The following THBS1 variants were observed in gnomAD, a reference collection of about 807,000 sequenced individuals.
THBS1 encodes the protein thrombospondin 1.
Under a neutral mutation model 126.1 loss-of-function variants are expected in THBS1, and 29 were observed. That is an observed-to-expected ratio of 0.23 (90% CI 0.17 to 0.31). THBS1 has a LOEUF of 0.31. THBS1 is among the 10% of genes least tolerant of loss of function. The pLI is 1.00. For synonymous variants in THBS1, 496 were observed against 577.8 expected (o/e 0.86, Z 2.03); for missense variants, 1,198 against 1,545.2 (o/e 0.78, Z 3.77).
chr15:39,590,455 G>A (rs374001633), intron 13 of THBS1, 61 bp from the exon 14 acceptor site: 21 of 1,307,338 alleles, frequency 1.6e-5, no homozygotes, highest in South Asian at 3.9e-5. Context: ...ACACTCCCTC[G>A]TGCATGAGCT....
Position 39,589,913 on chromosome 15 carries a change from A to G in THBS1, c.2035A>G (p.Lys679Glu). 1 of 1,614,214 alleles carries G rather than the reference A, an allele frequency of 6.2e-7. No homozygotes were observed. The highest frequency in any genetic ancestry group is 8.5e-7 in the Non-Finnish European group (1 of 1,180,034). Residue 679 changes from lysine to glutamate, a missense_variant, in exon 13 of 22, where the codon AAG becomes GAG. Lys to Glu is a moderately conservative substitution (Grantham distance 56). This residue lies in a region of THBS1 where 663 missense variants were observed against 860.1 expected (regional missense o/e 0.77). Transcript: ENST00000260356. The surrounding 1 kb of genome is among the most constrained non-coding windows in gnomAD (Gnocchi z 4.7). Reference sequence around the variant, plus strand: ...CGACCCCATGTACCGCTGCGAGTGCAAGCCTGGCTACGCTGGCAATGGCAT... The same window carrying G: ...CGACCCCATGTACCGCTGCGAGTGCGAGCCTGGCTACGCTGGCAATGGCAT... Reference protein sequence around the residue: ...YSDPMYRCECKPGYAGNGIIC... With the variant: ...YSDPMYRCECEPGYAGNGIIC...
At chr15:39,591,136 C>T (rs143170723) in intron 14 of THBS1, 55 bp from the exon 15 acceptor site, 30 of 1,584,122 alleles carry the variant, frequency 1.9e-5, no homozygotes, top group Middle Eastern at 1.7e-4. Flanking sequence ...TGGTTTGAGG[C>T]TTGAGCTGTT....
chr15:39,585,867 T>G (rs1325217538), intron 7 of THBS1, among the ~76,000 whole-genome samples: 2 of 152,216 alleles, frequency 1.3e-5, no homozygotes, highest in Non-Finnish European at 2.9e-5. Context: ...CAGCTCTAAG[T>G]TGACTGCTTT....
Position 39,594,492 on chromosome 15 carries a change from A to T in THBS1, c.3505+52A>T. 1 of 1,595,220 alleles carries T rather than the reference A, an allele frequency of 6.3e-7. No homozygotes were observed. The highest frequency in any genetic ancestry group is 8.5e-7 in the Non-Finnish European group (1 of 1,171,770). ...CACTGGACATCTCTATTTCAGACTA[A>T]TATCAAGGATGACGGTTATGGGGGA... is the stretch of plus-strand genomic sequence containing the variant. On this transcript the variant is annotated intron_variant, in intron 21 of 21. Coordinates refer to ENST00000260356, the MANE Select transcript of THBS1 (RefSeq NM_003246.4). This position sits in a 1 kb window ranked among gnomAD's most constrained non-coding sequence, Gnocchi z 4.4.
At position 39,593,905 on chromosome 15, in the gene THBS1, C is replaced by A; in HGVS notation, c.3268-194C>A. 1.2e-6 allele frequency: 1 copy of A among 867,566 alleles called. No individual in the cohort carries two copies. The highest frequency in any genetic ancestry group is 1.7e-6 in the Non-Finnish European group (1 of 580,258). 53.7% of individuals were successfully genotyped at this position (867,566 alleles called of 1,614,324 possible). ...CCTTTTCAAACAAAAAAACCTCCTT[C>A]CCTCCTCTCTGTCTGCTTTATATGT... On this transcript the variant is annotated intron_variant, in intron 19 of 21. Transcript: ENST00000260356. This position sits in a 1 kb window ranked among gnomAD's most constrained non-coding sequence, Gnocchi z 5.9.
chr15:39,585,161 A>G (rs997253985), intron 6 of THBS1, among the ~76,000 whole-genome samples: 1 of 152,234 alleles, frequency 6.6e-6, no homozygotes, highest in Non-Finnish European at 1.5e-5. Context: ...GATTTCAGAC[A>G]TAGATTTGAC....
Position 39,593,119 on chromosome 15 carries a change from A to G in THBS1, c.2887A>G (p.Ile963Val). The G allele has an allele frequency of 1.3e-6, 2 of 1,599,530 alleles. No homozygotes were observed. The highest frequency in any genetic ancestry group is 1.7e-6 in the Non-Finnish European group (2 of 1,173,630). ...SETDFRRFQM[I>V]PLDPKGTSQN... Reference sequence around the variant, plus strand: ...GACCGATTTCCGCCGATTCCAGATGATTCCTCTGGACCCCAAAGGGACATC... The same window carrying G: ...GACCGATTTCCGCCGATTCCAGATGGTTCCTCTGGACCCCAAAGGGACATC... Residue 963 changes from isoleucine to valine, a missense_variant, in exon 18 of 22, where the codon ATT becomes GTT. Around this residue, in one of 4 missense-constraint regions of THBS1, gnomAD observed 255 missense variants for 373.9 expected, o/e 0.68. Coordinates refer to ENST00000260356, the MANE Select transcript of THBS1 (RefSeq NM_003246.4). This position sits in a 1 kb window ranked among gnomAD's most constrained non-coding sequence, Gnocchi z 5.9.
Position 39,597,237 on chromosome 15 carries a change from A to C in THBS1, c.*1868A>C, listed in dbSNP as rs538476986. ...ATTTCTATTTTTATATAATGTTTGC[A>C]CACTGAATTGAAGAATTGTTGGTTT... On this transcript the variant is annotated 3_prime_UTR_variant, in exon 22 of 22. Coordinates refer to ENST00000260356, the MANE Select transcript of THBS1 (RefSeq NM_003246.4). 1 of 148,556 alleles carries C rather than the reference A, an allele frequency of 6.7e-6. No homozygotes were observed. Among genetic ancestry groups the C allele is most frequent in the South Asian group, 2.1e-4 (1 of 4,658 alleles). The allele number at this position is 148,556 out of a possible 1,614,324, so 9.2% of individuals were successfully genotyped here. A position where few individuals can be genotyped will look rare whatever the true frequency, so the allele number is the denominator to read the frequency against.
intron 6 of THBS1, 69 bp downstream of exon 6, chr15:39,584,491 AC>A: frequency 8.8e-6 from 14 of 1,584,856 alleles, no homozygotes; most frequent in Middle Eastern, 2.1e-4. Context: ...TTGGGGAAAT[AC>A]CCTAATCGCC....
chr15:39,582,357 C>G lies in THBS1; in HGVS notation c.232C>G (p.Leu78Val). 7.4e-6 allele frequency: 12 copies of G among 1,614,222 alleles called. No homozygotes were observed. The highest frequency in any genetic ancestry group is 1.0e-5 in the Non-Finnish European group (12 of 1,180,044). The change falls in exon 3 of 22, where the codon CTG becomes GTG. Residue 78 changes from leucine to valine, a missense_variant. Physicochemically the swap from Leu to Val is conservative, Grantham distance 32. Around this residue, in one of 4 missense-constraint regions of THBS1, gnomAD observed 271 missense variants for 277.0 expected, o/e 0.98. Coordinates refer to ENST00000260356, the MANE Select transcript of THBS1 (RefSeq NM_003246.4). ...PPVPDDKFQD[L>V]VDAVRAEKGF... ...TGTGCCTGATGACAAGTTCCAAGAC[C>G]TGGTGGATGCTGTGCGGGCAGAAAA...
At position 39,599,266 on chromosome 15, in the gene THBS1, C is replaced by T. The variant is rs570769111; in HGVS notation, c.*3897C>T. 1.5e-4 allele frequency: 23 copies of T among 152,278 alleles called. 1 individual carries two copies. Among genetic ancestry groups the T allele is most frequent in the Non-Finnish European group, 2.6e-4 (18 of 68,016 alleles). 9.4% of individuals were successfully genotyped at this position (152,278 alleles called of 1,614,324 possible). A position where few individuals can be genotyped will look rare whatever the true frequency, so the allele number is the denominator to read the frequency against. On this transcript the variant is annotated 3_prime_UTR_variant, in exon 22 of 22. Coordinates refer to ENST00000260356, the MANE Select transcript of THBS1 (RefSeq NM_003246.4). The stretch of plus-strand genomic sequence containing the variant: ...TTGAATTACGTTACAGACTTAGTTA[C>T]CAGTCCTTGTTAGAGTTACCTTCAG...
chr15:39,591,059 A>T, intron 14 of THBS1, 132 bp from the exon 15 acceptor site: 1 of 1,006,254 alleles, frequency 9.9e-7, no homozygotes, highest in Non-Finnish European at 1.5e-6. Flanking sequence ...ACACTGAGTG[A>T]TCAATTAGCC....
chr15:39,589,448 C>G lies in THBS1; in HGVS notation c.1926+94C>G. On this transcript the variant is annotated intron_variant, in intron 12 of 21. Transcript: ENST00000260356. The surrounding 1 kb of genome is among the most constrained non-coding windows in gnomAD (Gnocchi z 4.7). Reference sequence around the variant, plus strand: ...GAGGAATGTAATTTCATACCCTTCACCAAAAAAAAAAGGGCGAGGAGATGA... The same window carrying G: ...GAGGAATGTAATTTCATACCCTTCAGCAAAAAAAAAAGGGCGAGGAGATGA... The G allele has an allele frequency of 6.9e-7, 1 of 1,459,576 alleles. No individual in the cohort carries two copies. Among genetic ancestry groups the G allele is most frequent in the Non-Finnish European group, 9.2e-7 (1 of 1,092,012 alleles). 90.4% of individuals were successfully genotyped at this position (1,459,576 alleles called of 1,614,324 possible).
rs1890394525 is a variant in THBS1, at chr15:39,594,511, T to C, written c.3505+71T>C. ...AGACTAATATCAAGGATGACGGTTA[T>C]GGGGGAGTCCAGTGTAAAGACTGTT... is the stretch of plus-strand genomic sequence containing the variant. On this transcript the variant is annotated intron_variant, in intron 21 of 21. Transcript: ENST00000260356. This position sits in a 1 kb window ranked among gnomAD's most constrained non-coding sequence, Gnocchi z 4.4. The C allele has an allele frequency of 3.0e-5, 47 of 1,571,496 alleles. No homozygotes were observed. In the South Asian group the frequency reaches 3.6e-4, roughly 12 times the overall value.
chr15:39,585,522 A>G lies in THBS1; in HGVS notation c.1079A>G (p.Asn360Ser), dbSNP rs371913448. The change falls in exon 7 of 22, where the codon AAT (asparagine) becomes AGT (serine). Residue 360 changes from asparagine to serine, a missense_variant. By Grantham distance (46) the Asn-to-Ser change is conservative (BLOSUM62 1). This residue lies in a region of THBS1 where 663 missense variants were observed against 860.1 expected (regional missense o/e 0.77). Coordinates refer to ENST00000260356, the MANE Select transcript of THBS1 (RefSeq NM_003246.4). ...KVSCPIMPCS[N>S]ATVPDGECCP... ...TCCTGCCCCATCATGCCCTGCTCCA[A>G]TGCCACAGTTCCTGATGGAGAATGC... 42 of 1,614,152 alleles carry G rather than the reference A, an allele frequency of 2.6e-5. No individual in the cohort carries two copies. The highest frequency in any genetic ancestry group is 1.3e-4 in the African/African-American group (10 of 75,054).
rs772525622 is a variant in THBS1, at chr15:39,588,873, T to TA, written c.1646-86_1646-85insA. 7 of 1,610,364 alleles carry TA rather than the reference T, an allele frequency of 4.3e-6. No individual in the cohort carries two copies. The South Asian group carries it at 7.7e-5, about 18-fold the overall frequency. Reference sequence around the variant, plus strand: ...TATCGGTTCCCTATACCCTATAATATCTTACACTGTGTTAAGTGCCCAGCA... The same window carrying TA: ...TATCGGTTCCCTATACCCTATAATATACTTACACTGTGTTAAGTGCCCAGCA... On this transcript the variant is annotated intron_variant, in intron 10 of 21. Transcript: ENST00000260356.
In THBS1 at chr15:39,581,899, T is replaced by C. The variant is rs750658070; in HGVS notation, c.42T>C (p.His14=). 4 of 1,613,940 alleles carry C rather than the reference T, an allele frequency of 2.5e-6. No homozygotes were observed. The East Asian group carries it at 8.9e-5, about 36-fold the overall frequency. ...AWGLGVLFLM[H]VCGTNRIPES... ...GACTAGGCGTCCTGTTCCTGATGCA[T>C]GTGTGTGGCACCAACCGCATTCCAG... Residue 14 remains histidine (H), a synonymous_variant, in exon 2 of 22, where the codon CAT becomes CAC. Transcript: ENST00000260356.
At chr15:39,583,543 T>A (rs954892030) in intron 3 of THBS1, 74 bp from the exon 4 acceptor site, 39 of 1,260,744 alleles carry the variant, frequency 3.1e-5, no homozygotes, top group Non-Finnish European at 4.0e-5. Flanking sequence ...TTTCCTAGCA[T>A]ACAGACAGTC....
At chr15:39,591,144 GTTT>G (rs752702594) in intron 14 of THBS1, 44 bp from the exon 15 acceptor site, 1 of 1,596,654 alleles carries the variant, frequency 6.3e-7, no homozygotes, top group Non-Finnish European at 8.6e-7. Context: ...GGCTTGAGCT[GTTT>G]TCAAGGACAA....
Sources: allele counts gnomAD v4.1 joint callset (sites outside exome capture counted in the v4.1 genomes callset), GRCh38; gene constraint gnomAD v4.1.1; regional missense constraint gnomAD v4.1.1; non-coding constraint Gnocchi (gnomAD v3.1); transcripts MANE v1.5; gene names NCBI Gene and HGNC (gene_info 2026-07-23, HGNC 2026-07-21).